The following HRH1 variants were observed in gnomAD, a reference collection of about 807,000 sequenced individuals.
HRH1 encodes histamine H1 receptor.
A neutral mutation model predicts 10.3 loss-of-function variants in HRH1; 6 were observed. That is an observed-to-expected ratio of 0.58 (90% CI 0.32 to 1.15). HRH1 has a LOEUF of 1.15. HRH1 is among the 50% of genes most tolerant of loss of function. The probability of loss-of-function intolerance (pLI) is 0.05; values close to 1 mark genes in which losing one functional copy is unlikely to be tolerated. For missense variants in HRH1, 514 were observed against 615.3 expected (o/e 0.84, Z 1.74); for synonymous variants, 242 against 236.7 (o/e 1.02, Z -0.21).
At chr3:11,228,800 G>A (rs558078371) in intron 1 of HRH1, among the ~76,000 whole-genome samples, 6 of 151,996 alleles carry the variant, frequency 3.9e-5, no homozygotes, top group African/African-American at 1.4e-4. Flanking sequence ...TGTTGTCCCA[G>A]CTACTCGGGA....
At chr3:11,169,602 A>G (rs1355470397) in intron 1 of HRH1, among the ~76,000 whole-genome samples, 6 of 151,950 alleles carry the variant, frequency 3.9e-5, no homozygotes, top group South Asian at 2.1e-4. Context: ...AGCACCCCCT[A>G]TGAGGTTTGG....
chr3:11,258,282 A>G (rs1447745204), intron 1 of HRH1, among the ~76,000 whole-genome samples: 2 of 151,694 alleles, frequency 1.3e-5, no homozygotes, highest in African/African-American at 4.8e-5. Context: ...CAAGCAAAAC[A>G]AAGCCCATTT....
At chr3:11,173,057 G>A (rs1937184458) in intron 1 of HRH1, among the ~76,000 whole-genome samples, 1 of 152,110 alleles carries the variant, frequency 6.6e-6, no homozygotes, top group Non-Finnish European at 1.5e-5. Flanking sequence ...CCCTCTGTGG[G>A]GCCCTGGATG....
intron 1 of HRH1, among the ~76,000 whole-genome samples, chr3:11,187,405 GAAGAGAAAAAT>G (rs1937467669): frequency 6.6e-6 from 1 of 151,614 alleles, no homozygotes; most frequent in Non-Finnish European, 1.5e-5. Flanking sequence ...ACATTTTGAA[GAAGAGAAAAAT>G]AATATCTAAA....
Position 11,262,989 on chromosome 3 carries a change from C to G in HRH1, c.*2488C>G, listed in dbSNP as rs1301578650. The G allele has an allele frequency of 3.6e-5, 6 of 167,074 alleles. No homozygotes were observed. In the Admixed American group the frequency reaches 3.9e-4, roughly 11 times the overall value. 10.3% of individuals were successfully genotyped at this position (167,074 alleles called of 1,614,324 possible). On this transcript the variant is annotated 3_prime_UTR_variant, in exon 2 of 2. Coordinates refer to ENST00000431010, the MANE Select transcript of HRH1 (RefSeq NM_001098212.2). The stretch of plus-strand genomic sequence containing the variant: ...CCATTATGTAATGTTGCCTTTACAA[C>G]AACCTCATGAGGGAGATTTCCATCT...
chr3:11,224,557 G>A (rs997481234), intron 1 of HRH1, among the ~76,000 whole-genome samples: 1 of 152,124 alleles, frequency 6.6e-6, no homozygotes, highest in African/African-American at 2.4e-5. Context: ...AAAATTAGCC[G>A]AGCATGGTGG....
intron 1 of HRH1, among the ~76,000 whole-genome samples, chr3:11,191,270 C>G (rs1469568465): frequency 6.6e-6 from 1 of 152,128 alleles, no homozygotes; most frequent in Non-Finnish European, 1.5e-5. Flanking sequence ...GCTACTAAAA[C>G]CTGCAGTGAA....
intron 1 of HRH1, among the ~76,000 whole-genome samples, chr3:11,186,825 A>G (rs565052134): frequency 1.3e-5 from 2 of 152,328 alleles, no homozygotes; most frequent in African/African-American, 4.8e-5. Flanking sequence ...CAGTTCAGAA[A>G]CAGACCCAAA....
At chr3:11,144,753 GACA>G (rs1936393826) in intron 1 of HRH1, among the ~76,000 whole-genome samples, 1 of 151,730 alleles carries the variant, frequency 6.6e-6, no homozygotes, top group South Asian at 2.1e-4. Flanking sequence ...GGCCAACCAC[GACA>G]ACACTTATAA....
At chr3:11,157,172 C>G (rs1936824809) in intron 1 of HRH1, among the ~76,000 whole-genome samples, 1 of 152,182 alleles carries the variant, frequency 6.6e-6, no homozygotes, top group South Asian at 2.1e-4. Context: ...AACCCCAGCT[C>G]TTGCCCTTAG....
intron 1 of HRH1, among the ~76,000 whole-genome samples, chr3:11,138,057 C>T (rs1284111643): frequency 1.3e-5 from 2 of 152,012 alleles, no homozygotes; most frequent in South Asian, 2.1e-4. Context: ...CCTCTGTTGT[C>T]CAGGCTGGAG....
rs570590181 is a variant in HRH1 at position 11,221,554 on chromosome 3, CAA to C, written c.-35-37437_-35-37436del. ...TGGGCAACGGAGCGAGACTCCATCTCAAAAAAAAAAAAATGTATATATATATA... is the reference window on the plus strand; with the variant it reads ...TGGGCAACGGAGCGAGACTCCATCTCAAAAAAAAAAATGTATATATATATA... On this transcript the variant is annotated intron_variant, in intron 1 of 1. Coordinates refer to ENST00000431010, the MANE Select transcript of HRH1 (RefSeq NM_001098212.2). Among the ~76,000 whole-genome samples the C allele has an allele frequency of 1.4e-3, 181 of 129,784 alleles. 1 individual carries two copies. The highest frequency in any genetic ancestry group is 4.9e-3 in the African/African-American group (168 of 34,274). 85.1% of individuals were successfully genotyped at this position (129,784 alleles called of 152,430 possible). A position where few individuals can be genotyped will look rare whatever the true frequency, so the allele number is the denominator to read the frequency against.
intron 1 of HRH1, among the ~76,000 whole-genome samples, chr3:11,195,015 CT>C (rs1937615188): frequency 1.3e-5 from 2 of 152,146 alleles, no homozygotes; most frequent in South Asian, 4.1e-4. Flanking sequence ...GCATACCACA[CT>C]TTGGGGTGCT....
chr3:11,196,822 A>G (rs1346709363), intron 1 of HRH1, among the ~76,000 whole-genome samples: 1 of 151,912 alleles, frequency 6.6e-6, no homozygotes, highest in East Asian at 1.9e-4. Context: ...AAAAATGCAG[A>G]ATCTCGTCCG....
chr3:11,255,099 A>G (rs1209865978), intron 1 of HRH1, among the ~76,000 whole-genome samples: 1 of 152,196 alleles, frequency 6.6e-6, no homozygotes, highest in Non-Finnish European at 1.5e-5. Context: ...GGAGACAAGG[A>G]TGTACAAGGA....
chr3:11,202,805 A>T (rs755991645), intron 1 of HRH1, among the ~76,000 whole-genome samples: 19 of 152,276 alleles, frequency 1.2e-4, no homozygotes, highest in African/African-American at 4.6e-4. Flanking sequence ...CTCCCTCTTG[A>T]TGTTGCACTT....
chr3:11,215,050 C>T (rs781294895), intron 1 of HRH1, among the ~76,000 whole-genome samples: 2 of 152,286 alleles, frequency 1.3e-5, no homozygotes, highest in Admixed American at 6.5e-5. Context: ...CATGGCTGAT[C>T]GCTTACCATG....
chr3:11,160,653 A>G (rs1039856024), intron 1 of HRH1, among the ~76,000 whole-genome samples: 2 of 152,252 alleles, frequency 1.3e-5, no homozygotes, highest in Admixed American at 6.5e-5. Context: ...AAATTACAAT[A>G]TATCTTTGGA....
intron 1 of HRH1, among the ~76,000 whole-genome samples, chr3:11,158,076 T>A (rs1248697946): frequency 6.6e-6 from 1 of 152,254 alleles, no homozygotes; most frequent in Non-Finnish European, 1.5e-5. Flanking sequence ...GACAAATTGC[T>A]TAATTGGGCC....
Sources: allele counts gnomAD v4.1 joint callset (sites outside exome capture counted in the v4.1 genomes callset), GRCh38; gene constraint gnomAD v4.1.1; transcripts MANE v1.5; gene names NCBI Gene and HGNC (gene_info 2026-07-23, HGNC 2026-07-21).